Variants in CSMD1 observed in about 807,000 individuals in gnomAD.
CSMD1 encodes CUB and sushi domain-containing protein 1.
In CSMD1, 213 loss-of-function variants were observed where a neutral mutation model predicts 417.5. The ratio of observed to expected loss-of-function variants is 0.51; its 90% CI spans 0.46 to 0.57. CSMD1 has a LOEUF of 0.57. Among genes scored for constraint, CSMD1 ranks in the 20% least tolerant of loss-of-function variants. The pLI is 0.00. For missense variants in CSMD1, 6,923 were observed against 4,529.7 expected (o/e 1.53, Z -15.17); for synonymous variants, 2,862 against 1,736.8 (o/e 1.65, Z -16.11).
chr8:3,948,263 A>G (rs796976151), intron 5 of CSMD1, among the ~76,000 whole-genome samples: 18 of 152,302 alleles, frequency 1.2e-4, no homozygotes, highest in South Asian at 6.2e-4. Context: ...TGTGCTATAT[A>G]TATTTGTTAA....
At chr8:4,646,992 CAT>C (rs1448871743) in intron 1 of CSMD1, among the ~76,000 whole-genome samples, 3 of 152,128 alleles carry the variant, frequency 2.0e-5, no homozygotes, top group Non-Finnish European at 2.9e-5. Context: ...TGGACCTAGT[CAT>C]AGACTAACAG....
chr8:4,291,037 C>T (rs1348826209), intron 3 of CSMD1, among the ~76,000 whole-genome samples: 1 of 151,752 alleles, frequency 6.6e-6, no homozygotes, highest in Non-Finnish European at 1.5e-5. Context: ...TTCTTTGTAC[C>T]CTAGTGTAAA....
rs955006235 is a variant in CSMD1 at position 3,106,894 on chromosome 8, C to T, written c.6836-253G>A. On this transcript the variant is annotated intron_variant, in intron 45 of 69. Transcript: ENST00000635120. ...GCTTTTCTTCCTTGACTGAGGCATC[C>T]GTGTTGGTTTCCCTTCCCCAGTGAT... 4.6e-5 allele frequency: 15 copies of T among 328,382 alleles called. No homozygotes were observed. In the South Asian group the frequency reaches 5.0e-4, roughly 11 times the overall value. 20.3% of individuals were successfully genotyped at this position (328,382 alleles called of 1,614,324 possible). A position where few individuals can be genotyped will look rare whatever the true frequency, so the allele number is the denominator to read the frequency against.
intron 10 of CSMD1, among the ~76,000 whole-genome samples, chr8:3,573,217 T>C (rs981890341): frequency 6.6e-6 from 1 of 152,204 alleles, no homozygotes; most frequent in African/African-American, 2.4e-5. Context: ...ACAACTATTC[T>C]CTAAGGTAAA....
At chr8:4,789,299 C>G (rs1797570527) in intron 1 of CSMD1, among the ~76,000 whole-genome samples, 1 of 152,166 alleles carries the variant, frequency 6.6e-6, no homozygotes, top group African/African-American at 2.4e-5. Context: ...ACCAAACATG[C>G]ACAACACCAT....
intron 2 of CSMD1, among the ~76,000 whole-genome samples, chr8:4,595,955 T>C (rs1800253231): frequency 6.6e-6 from 1 of 152,058 alleles, no homozygotes; most frequent in African/African-American, 2.4e-5. Context: ...ATATGAACTG[T>C]ACCACTTGTA....
At chr8:3,783,180 C>A (rs1301954639) in intron 5 of CSMD1, among the ~76,000 whole-genome samples, 1 of 152,208 alleles carries the variant, frequency 6.6e-6, no homozygotes, top group African/African-American at 2.4e-5. Context: ...TCCACCTGTT[C>A]TATTTGTTCA....
chr8:4,213,550 G>C (rs1439641946), intron 3 of CSMD1, among the ~76,000 whole-genome samples: 3 of 152,190 alleles, frequency 2.0e-5, no homozygotes, highest in South Asian at 2.1e-4. Context: ...ACAACGTCTA[G>C]AAATAAAACA....
At chr8:4,077,309 A>ATATGTG (rs1222642418) in intron 3 of CSMD1, among the ~76,000 whole-genome samples, 1 of 145,582 alleles carries the variant, frequency 6.9e-6, no homozygotes, top group African/African-American at 2.6e-5. Context: ...ATATATATAT[A>ATATGTG]TATATATATA....
At chr8:3,884,774 G>C (rs886963222) in intron 5 of CSMD1, among the ~76,000 whole-genome samples, 2 of 151,850 alleles carry the variant, frequency 1.3e-5, no homozygotes, top group Non-Finnish European at 2.9e-5. Context: ...AATCCCAATA[G>C]TATTCACCTC....
intron 3 of CSMD1, among the ~76,000 whole-genome samples, chr8:4,336,858 A>G (rs770149589): frequency 6.6e-6 from 1 of 152,084 alleles, no homozygotes; most frequent in Non-Finnish European, 1.5e-5. Context: ...TTTATTTCCA[A>G]TAATCAATTC....
intron 5 of CSMD1, among the ~76,000 whole-genome samples, chr8:3,891,271 A>T (rs1806950986): frequency 6.6e-6 from 1 of 152,038 alleles, no homozygotes. Flanking sequence ...CTAGTCTCAA[A>T]AATTCCTTGC....
chr8:3,028,359 CAA>C (rs1810101078), intron 51 of CSMD1, among the ~76,000 whole-genome samples: 1 of 152,154 alleles, frequency 6.6e-6, no homozygotes, highest in African/African-American at 2.4e-5. Context: ...AAAGGTGTGA[CAA>C]AGAGGAACGG....
intron 36 of CSMD1, among the ~76,000 whole-genome samples, chr8:3,184,029 T>A (rs1457018476): frequency 6.6e-6 from 1 of 152,194 alleles, no homozygotes; most frequent in Non-Finnish European, 1.5e-5. Flanking sequence ...TCTCATAGAT[T>A]CCTGATCATC....
At chr8:4,824,747 T>G (rs569297768) in intron 1 of CSMD1, among the ~76,000 whole-genome samples, 2 of 152,290 alleles carry the variant, frequency 1.3e-5, no homozygotes, top group East Asian at 3.9e-4. Flanking sequence ...CTGCTGGAAC[T>G]TGTCACTCAA....
chr8:3,169,471 G>A (rs1276375949), intron 37 of CSMD1, among the ~76,000 whole-genome samples: 8 of 151,742 alleles, frequency 5.3e-5, no homozygotes, highest in South Asian at 4.2e-4. Flanking sequence ...TCTAGTAGTC[G>A]AAATCATAGA....
chr8:4,121,943 G>C (rs1195328887), intron 3 of CSMD1, among the ~76,000 whole-genome samples: 2 of 151,832 alleles, frequency 1.3e-5, no homozygotes, highest in Non-Finnish European at 2.9e-5. Flanking sequence ...TATATTAAAT[G>C]ATTAGTGAAT....
intron 32 of CSMD1, among the ~76,000 whole-genome samples, chr8:3,200,935 A>G (rs1585637125): frequency 6.6e-6 from 1 of 152,324 alleles, no homozygotes; most frequent in Admixed American, 6.5e-5. Flanking sequence ...ATGAAAATGT[A>G]TCAGTACAAA....
At chr8:4,139,745 G>C (rs910705281) in intron 3 of CSMD1, among the ~76,000 whole-genome samples, 1 of 151,166 alleles carries the variant, frequency 6.6e-6, no homozygotes, top group South Asian at 2.1e-4. Flanking sequence ...TGAGTACAAA[G>C]AACCCAGCAG....
Sources: gnomAD v4.1 joint callset for allele counts (sites outside exome capture counted in the v4.1 genomes callset) on GRCh38, gnomAD v4.1.1 for gene constraint, MANE v1.5 for transcripts, NCBI Gene and HGNC (gene_info 2026-07-23, HGNC 2026-07-21) for gene names.